Variants in AMMECR1L observed in about 807,000 individuals in gnomAD.
AMMECR1L encodes the protein AMMECR1 like.
Under a neutral mutation model 36.8 loss-of-function variants are expected in AMMECR1L, and 4 were observed. That is an observed-to-expected ratio of 0.11 (90% CI 0.05 to 0.25). The LOEUF is 0.25. AMMECR1L is among the 10% of genes least tolerant of loss of function. The probability of loss-of-function intolerance (pLI) is 1.00; values close to 1 mark genes in which losing one functional copy is unlikely to be tolerated. For synonymous variants in AMMECR1L, 147 were observed against 148.0 expected, an observed-to-expected ratio of 0.99 and a Z score of 0.05; for missense variants, 232 against 392.1, an observed-to-expected ratio of 0.59 and a Z score of 3.45.
rs964631052 is a variant in AMMECR1L at position 127,863,868 on chromosome 2, T to C, written c.*1226A>G. 6.6e-6 allele frequency: 1 copy of C among 152,424 alleles called. No individual in the cohort carries two copies. Among genetic ancestry groups the C allele is most frequent in the Non-Finnish European group, 1.5e-5 (1 of 68,024 alleles). 9.4% of individuals were successfully genotyped at this position (152,424 alleles called of 1,614,324 possible). ...ACAGCGATTTGGAAATCAGCAACAA[T>C]GGGAAAGGGAAATATGTCACATGAA... is the stretch of plus-strand genomic sequence containing the variant. On this transcript the variant is annotated 3_prime_UTR_variant, in exon 8 of 8. Transcript: ENST00000272647.
rs561607393 is a variant in AMMECR1L at position 127,880,032 on chromosome 2, G to A, written c.-39+4171C>T. ...TTTGAAATAAGAGAAGCCAGGCGCA[G>A]GAGCTCACGCCTGTAATCCCTACAC... On this transcript the variant is annotated intron_variant, in intron 2 of 7. Coordinates refer to ENST00000272647, the MANE Select transcript of AMMECR1L (RefSeq NM_001199140.2). 2.6e-5 allele frequency among the ~76,000 whole-genome samples: 4 copies of A among 152,302 alleles called. No homozygotes were observed. In the East Asian group the frequency reaches 7.7e-4, roughly 29 times the overall value.
chr2:127,873,615 C>G lies in AMMECR1L; in HGVS notation c.407+213G>C. ...TCCAGAACATTACTTTAACAACAAG[C>G]CTACAGCCTCCTCCAAATGTGAACT... is the stretch of plus-strand genomic sequence containing the variant. On this transcript the variant is annotated intron_variant, in intron 3 of 7. Transcript: ENST00000272647. The surrounding 1 kb of genome is among the most constrained non-coding windows in gnomAD (Gnocchi z 5.2). 1 of 985,442 alleles carries G rather than the reference C, an allele frequency of 1.0e-6. No individual in the cohort carries two copies. Among genetic ancestry groups the G allele is most frequent in the Non-Finnish European group, 1.2e-6 (1 of 829,936 alleles). The allele number at this position is 985,442 out of a possible 1,614,324, so 61.0% of individuals were successfully genotyped here.
rs557782825 is a variant in AMMECR1L at position 127,876,192 on chromosome 2, TA to T, written c.-38-1921del. On this transcript the variant is annotated intron_variant, in intron 2 of 7. Coordinates refer to ENST00000272647, the MANE Select transcript of AMMECR1L (RefSeq NM_001199140.2). ...AGGGAGACCCAGTCTCTACAAAAAA[TA>T]AAAAAAATTAGCTGAGCATGGTGGC... Among the ~76,000 whole-genome samples the T allele has an allele frequency of 1.9e-4, 29 of 151,098 alleles. No individual in the cohort carries two copies. In the South Asian group the frequency reaches 5.2e-3, roughly 27 times the overall value.
rs1275692565 is a variant in AMMECR1L at position 127,865,110 on chromosome 2, T to C, written c.917A>G (p.Tyr306Cys). The change falls in exon 8 of 8, where the codon TAC (tyrosine) becomes TGC (cysteine). Residue 306 changes from tyrosine (Y) to cysteine (C), a missense_variant. Around this residue, in one of 3 missense-constraint regions of AMMECR1L, gnomAD observed 40 missense variants for 34.5 expected, o/e 1.16. Transcript: ENST00000272647. The surrounding 1 kb of genome is among the most constrained non-coding windows in gnomAD (Gnocchi z 5.4). Reference sequence around the variant, plus strand: ...AGCCGTGTGTCAGGAGTAATGATTGTAGAGGGGCGGGGCATGAAGAGTGCC... The same window carrying C: ...AGCCGTGTGTCAGGAGTAATGATTGCAGAGGGGCGGGGCATGAAGAGTGCC... ...QNGTLHAPPLYNHYS is the reference protein window; with the variant it reads ...QNGTLHAPPLCNHYS 6 of 1,612,808 alleles carry C rather than the reference T, an allele frequency of 3.7e-6. No homozygotes were observed. The highest frequency in any genetic ancestry group is 5.1e-6 in the Non-Finnish European group (6 of 1,179,508).
rs892699588 is a variant in AMMECR1L at position 127,864,601 on chromosome 2, T to A, written c.*493A>T. On this transcript the variant is annotated 3_prime_UTR_variant, in exon 8 of 8. Transcript: ENST00000272647. ...AAGCATGGAGGTTGTAATCAACTCT[T>A]GGTACGCAATAAACTGGAAGTTTAA... is the stretch of plus-strand genomic sequence containing the variant. 3 of 152,436 alleles carry A rather than the reference T, an allele frequency of 2.0e-5. No individual in the cohort carries two copies. The highest frequency in any genetic ancestry group is 7.2e-5 in the African/African-American group (3 of 41,464). 9.4% of individuals were successfully genotyped at this position (152,436 alleles called of 1,614,324 possible).
At chr2:127,880,862 G>A (rs1020504936) in intron 2 of AMMECR1L, among the ~76,000 whole-genome samples, 1 of 152,010 alleles carries the variant, frequency 6.6e-6, no homozygotes, top group Non-Finnish European at 1.5e-5. Context: ...TGCTGACAGT[G>A]GAGTATCGCA....
Position 127,862,215 on chromosome 2 carries a change from G to A in AMMECR1L, c.*2879C>T, listed in dbSNP as rs1690497689. ...CCAGACCAAAAGGCACTCACAGCTAGGGATGAAACGAACTCCGAACCAAGC... is the reference window on the plus strand; with the variant it reads ...CCAGACCAAAAGGCACTCACAGCTAAGGATGAAACGAACTCCGAACCAAGC... On this transcript the variant is annotated 3_prime_UTR_variant, in exon 8 of 8. Coordinates refer to ENST00000272647, the MANE Select transcript of AMMECR1L (RefSeq NM_001199140.2). 1 of 153,776 alleles carries A rather than the reference G, an allele frequency of 6.5e-6. No individual in the cohort carries two copies. The highest frequency in any genetic ancestry group is 1.5e-5 in the Non-Finnish European group (1 of 68,050). 9.5% of individuals were successfully genotyped at this position (153,776 alleles called of 1,614,324 possible).
chr2:127,876,059 C>G (rs559644566), intron 2 of AMMECR1L, among the ~76,000 whole-genome samples: 9 of 151,976 alleles, frequency 5.9e-5, no homozygotes, highest in African/African-American at 1.9e-4. Context: ...CCCGCCCCCC[C>G]ACCCGCTGGC....
At chr2:127,879,883 G>C (rs2104776352) in intron 2 of AMMECR1L, among the ~76,000 whole-genome samples, 1 of 152,300 alleles carries the variant, frequency 6.6e-6, no homozygotes, top group South Asian at 2.1e-4. Context: ...AAAAACAAAT[G>C]CTCCACTTAA....
intron 2 of AMMECR1L, among the ~76,000 whole-genome samples, chr2:127,877,754 AAAAT>A (rs1336201319): frequency 2.6e-5 from 4 of 152,210 alleles, no homozygotes; most frequent in African/African-American, 7.2e-5. Context: ...GCAGGATTAA[AAAAT>A]AAATAAATAA....
chr2:127,872,387 T>C (rs2104757651), intron 3 of AMMECR1L, among the ~76,000 whole-genome samples: 1 of 152,208 alleles, frequency 6.6e-6, no homozygotes, highest in East Asian at 1.9e-4. Flanking sequence ...TTTCTGTTTC[T>C]AGGCCAAAGT....
intron 6 of AMMECR1L, among the ~76,000 whole-genome samples, chr2:127,868,012 T>A (rs1690775025): frequency 6.6e-6 from 1 of 152,168 alleles, no homozygotes; most frequent in Non-Finnish European, 1.5e-5. Flanking sequence ...AGCTGTTGAC[T>A]GTCAGGTGTG....
At chr2:127,885,114 T>C in intron 1 of AMMECR1L, 2 of 981,858 alleles carry the variant, frequency 2.0e-6, no homozygotes, top group Non-Finnish European at 1.2e-6. Context: ...AAACCCAGCG[T>C]GTCAGGTGGA....
At chr2:127,881,783 C>A (rs1219139871) in intron 2 of AMMECR1L, among the ~76,000 whole-genome samples, 1 of 152,218 alleles carries the variant, frequency 6.6e-6, no homozygotes, top group African/African-American at 2.4e-5. Context: ...CCTCCTAATA[C>A]AATTCCATTA....
In AMMECR1L at chr2:127,871,737, G is replaced by A. The variant is rs182917397; in HGVS notation, c.408-378C>T. Among the ~76,000 whole-genome samples the A allele has an allele frequency of 4.6e-5, 7 of 151,998 alleles. No homozygotes were observed. The highest frequency in any genetic ancestry group is 6.5e-5 in the Admixed American group (1 of 15,274). ...CCAGGTAGCCATGCTCCCCCGCTCC[G>A]TCTTTCATGATGACACGCCTCACCT... On this transcript the variant is annotated intron_variant, in intron 3 of 7. Coordinates refer to ENST00000272647, the MANE Select transcript of AMMECR1L (RefSeq NM_001199140.2). This position sits in a 1 kb window ranked among gnomAD's most constrained non-coding sequence, Gnocchi z 4.3.
Position 127,864,875 on chromosome 2 carries a change from G to A in AMMECR1L, c.*219C>T, listed in dbSNP as rs1690615106. The stretch of plus-strand genomic sequence containing the variant: ...CCAATCCAACGGAACCCCATATTGA[G>A]GAAAGGCTGAGATAAGGCTTGGGCC... On this transcript the variant is annotated 3_prime_UTR_variant, in exon 8 of 8. Coordinates refer to ENST00000272647, the MANE Select transcript of AMMECR1L (RefSeq NM_001199140.2). The A allele has an allele frequency of 2.6e-6, 1 of 384,514 alleles. No homozygotes were observed. Among genetic ancestry groups the A allele is most frequent in the Admixed American group, 4.5e-5 (1 of 22,348 alleles). The allele number at this position is 384,514 out of a possible 1,614,324, so 23.8% of individuals were successfully genotyped here. A position where few individuals can be genotyped will look rare whatever the true frequency, so the allele number is the denominator to read the frequency against.
At position 127,873,311 on chromosome 2, in the gene AMMECR1L, G is replaced by A. The variant is rs1381737616; in HGVS notation, c.407+517C>T. ...CAAAGAATCTTGAACTAAAAATACT[G>A]AAGCAGATTCTGACTTCTTGATGGG... On this transcript the variant is annotated intron_variant, in intron 3 of 7. Coordinates refer to ENST00000272647, the MANE Select transcript of AMMECR1L (RefSeq NM_001199140.2). The surrounding 1 kb of genome is among the most constrained non-coding windows in gnomAD (Gnocchi z 5.2). 4.1e-6 allele frequency: 4 copies of A among 985,326 alleles called. No individual in the cohort carries two copies. In the African/African-American group the frequency reaches 7.0e-5, roughly 17 times the overall value. 61.0% of individuals were successfully genotyped at this position (985,326 alleles called of 1,614,324 possible). A position where few individuals can be genotyped will look rare whatever the true frequency, so the allele number is the denominator to read the frequency against.
intron 5 of AMMECR1L, among the ~76,000 whole-genome samples, chr2:127,870,536 T>C (rs2104752716): frequency 6.6e-6 from 1 of 151,742 alleles, no homozygotes; most frequent in Non-Finnish European, 1.5e-5. Flanking sequence ...GGATCTGGAA[T>C]ATTTTCTTTT....
At chr2:127,866,083 G>C (rs1227227675) in intron 7 of AMMECR1L, among the ~76,000 whole-genome samples, 1 of 152,138 alleles carries the variant, frequency 6.6e-6, no homozygotes, top group Non-Finnish European at 1.5e-5. Flanking sequence ...AAAAAACACT[G>C]GGTCATCTTC....
Sources: allele counts gnomAD v4.1 joint callset (sites outside exome capture counted in the v4.1 genomes callset), GRCh38; gene constraint gnomAD v4.1.1; regional missense constraint gnomAD v4.1.1; non-coding constraint Gnocchi (gnomAD v3.1); transcripts MANE v1.5; gene names NCBI Gene and HGNC (gene_info 2026-07-23, HGNC 2026-07-21).